The following WWOX variants were observed in gnomAD, a reference collection of about 807,000 sequenced individuals.
WWOX encodes the protein WW domain containing oxidoreductase.
Under a neutral mutation model 46.2 loss-of-function variants are expected in WWOX, and 69 were observed. The ratio of observed to expected loss-of-function variants is 1.49; its 90% CI spans 1.23 to 1.82. WWOX has a LOEUF of 1.82. WWOX is among the 40% of genes most tolerant of loss of function. The pLI, the probability that WWOX is intolerant of heterozygous loss-of-function variation, is 0.00. For missense variants in WWOX, 919 were observed against 542.6 expected (o/e 1.69, Z -6.89); for synonymous variants, 359 against 202.6 (o/e 1.77, Z -6.56).
chr16:78,353,663 T>C (rs1213615915), intron 5 of WWOX, among the ~76,000 whole-genome samples: 1 of 152,252 alleles, frequency 6.6e-6, no homozygotes, highest in South Asian at 2.1e-4. Flanking sequence ...TTATGAAGAT[T>C]AGAGATGTAA....
At chr16:78,848,088 C>T (rs965743502) in intron 8 of WWOX, among the ~76,000 whole-genome samples, 1 of 152,186 alleles carries the variant, frequency 6.6e-6, no homozygotes, top group Non-Finnish European at 1.5e-5. Context: ...ACCCCAGACA[C>T]ACCAGAGAAA....
chr16:78,888,019 G>A (rs1230805095), intron 8 of WWOX, among the ~76,000 whole-genome samples: 2 of 152,200 alleles, frequency 1.3e-5, no homozygotes, highest in African/African-American at 4.8e-5. Flanking sequence ...AGAGAGGACA[G>A]GTGCATTAGA....
intron 5 of WWOX, among the ~76,000 whole-genome samples, chr16:78,365,022 G>A (rs970991526): frequency 1.3e-5 from 2 of 152,140 alleles, no homozygotes; most frequent in Non-Finnish European, 2.9e-5. Context: ...GTTGAGCTGT[G>A]GGTAATTCTT....
chr16:78,900,176 G>C (rs993989180), intron 8 of WWOX, among the ~76,000 whole-genome samples: 1 of 150,864 alleles, frequency 6.6e-6, no homozygotes, highest in South Asian at 2.1e-4. Context: ...CATTTTGCCA[G>C]AGTAGGGTGT....
intron 5 of WWOX, among the ~76,000 whole-genome samples, chr16:78,189,221 C>A (rs138017889): frequency 6.6e-6 from 1 of 152,172 alleles, no homozygotes; most frequent in Non-Finnish European, 1.5e-5. Flanking sequence ...GCATGGGGCA[C>A]ATTGTGACAA....
At chr16:78,379,137 G>GT (rs1341950408) in intron 5 of WWOX, among the ~76,000 whole-genome samples, 1 of 152,158 alleles carries the variant, frequency 6.6e-6, no homozygotes, top group Non-Finnish European at 1.5e-5. Context: ...ACTATTAAAT[G>GT]AAAACAAGCA....
intron 8 of WWOX, among the ~76,000 whole-genome samples, chr16:79,126,675 A>G (rs908210024): frequency 6.6e-6 from 1 of 152,192 alleles, no homozygotes; most frequent in Non-Finnish European, 1.5e-5. Context: ...AGAACAGACT[A>G]ATACAGCAAG....
intron 8 of WWOX, among the ~76,000 whole-genome samples, chr16:78,454,731 A>T (rs1597108342): frequency 1.3e-5 from 2 of 152,228 alleles, no homozygotes; most frequent in Admixed American, 1.3e-4. Context: ...TCTCAACGTC[A>T]GGTGATCCAT....
At chr16:78,705,555 C>T (rs919738327) in intron 8 of WWOX, among the ~76,000 whole-genome samples, 1 of 152,160 alleles carries the variant, frequency 6.6e-6, no homozygotes. Context: ...TCTTAGCCTG[C>T]AGTGGTGCAG....
intron 5 of WWOX, among the ~76,000 whole-genome samples, chr16:78,313,329 G>A (rs1307732499): frequency 2.0e-5 from 3 of 152,116 alleles, no homozygotes; most frequent in Non-Finnish European, 4.4e-5. Flanking sequence ...GAACAGTGCT[G>A]GCTTATAGCA....
intron 8 of WWOX, among the ~76,000 whole-genome samples, chr16:79,039,386 C>G (rs1020007492): frequency 5.9e-5 from 9 of 152,120 alleles, no homozygotes; most frequent in African/African-American, 2.2e-4. Context: ...GAAAACGACC[C>G]CCTTCCCCCA....
intron 8 of WWOX, among the ~76,000 whole-genome samples, chr16:78,477,995 T>A (rs1384276690): frequency 2.0e-5 from 3 of 152,220 alleles, no homozygotes; most frequent in African/African-American, 4.8e-5. Context: ...GTTTTTCTAT[T>A]TTTTAATACC....
intron 8 of WWOX, among the ~76,000 whole-genome samples, chr16:78,523,066 A>G (rs2043384030): frequency 6.6e-6 from 1 of 152,092 alleles, no homozygotes; most frequent in African/African-American, 2.4e-5. Flanking sequence ...AGTGAAACCC[A>G]TCCCCCAAAA....
At chr16:78,563,432 C>T (rs918338125) in intron 8 of WWOX, among the ~76,000 whole-genome samples, 6 of 149,508 alleles carry the variant, frequency 4.0e-5, no homozygotes, top group Admixed American at 1.3e-4. Flanking sequence ...ACAATAACAA[C>T]GTAGGAGGGA....
At chr16:78,250,857 C>A in intron 5 of WWOX, among the ~76,000 whole-genome samples, 1 of 152,168 alleles carries the variant, frequency 6.6e-6, no homozygotes, top group East Asian at 1.9e-4. Context: ...TAACACCCTC[C>A]CCCTAACAAC....
chr16:78,600,888 G>A (rs768950038), intron 8 of WWOX, among the ~76,000 whole-genome samples: 2 of 152,136 alleles, frequency 1.3e-5, no homozygotes, highest in East Asian at 1.9e-4. Context: ...ACAGGGAGAA[G>A]CCTGTGTGAC....
intron 8 of WWOX, among the ~76,000 whole-genome samples, chr16:78,931,650 C>A (rs550569370): frequency 6.6e-6 from 1 of 152,336 alleles, no homozygotes; most frequent in Non-Finnish European, 1.5e-5. Context: ...AATATGCAGT[C>A]ATGGAGTCAT....
intron 8 of WWOX, among the ~76,000 whole-genome samples, chr16:78,823,578 G>C (rs79864517): frequency 0.016 from 2,444 of 152,192 alleles, 62 homozygotes; most frequent in East Asian, 0.055. Context: ...GTTTAATAAA[G>C]GCTTCATCTG....
At chr16:78,997,471 C>G (rs1032817452) in intron 8 of WWOX, among the ~76,000 whole-genome samples, 3 of 152,184 alleles carry the variant, frequency 2.0e-5, no homozygotes, top group African/African-American at 7.2e-5. Flanking sequence ...CCTCCCTTTT[C>G]TCTGGGCTTT....
Sources: gnomAD v4.1 joint callset for allele counts (sites outside exome capture counted in the v4.1 genomes callset) on GRCh38, gnomAD v4.1.1 for gene constraint, MANE v1.5 for transcripts, NCBI Gene and HGNC (gene_info 2026-07-23, HGNC 2026-07-21) for gene names.